The following PPARGC1A variants were observed in gnomAD, a reference collection of about 807,000 sequenced individuals.
The protein encoded by PPARGC1A is PPARG coactivator 1 alpha.
In PPARGC1A, 25 loss-of-function variants were observed where a neutral mutation model predicts 88.7. The observed-to-expected ratio is 0.28, with a 90% CI of 0.21 to 0.39. PPARGC1A has a LOEUF of 0.39. Ranked by LOEUF, PPARGC1A falls within the 10% of genes least tolerant of loss-of-function variation. PPARGC1A has a pLI of 1.00. For synonymous variants in PPARGC1A, 363 were observed against 355.6 expected (o/e 1.02, Z -0.24); for missense variants, 880 against 968.7 (o/e 0.91, Z 1.22).
the PPARGC1A span, among the ~76,000 whole-genome samples, chr4:24,298,196 A>AC: frequency 6.6e-6 from 1 of 150,840 alleles, no homozygotes; most frequent in African/African-American, 2.5e-5. Flanking sequence ...GAAAAAAAAA[A>AC]AGATAAGAAA....
At chr4:23,986,611 T>G in the PPARGC1A span, among the ~76,000 whole-genome samples, 1 of 152,086 alleles carries the variant, frequency 6.6e-6, no homozygotes, top group Non-Finnish European at 1.5e-5. Context: ...CATGATCTCA[T>G]TTCATTCTTT....
the PPARGC1A span, among the ~76,000 whole-genome samples, chr4:24,269,873 A>C: frequency 2.6e-5 from 4 of 152,234 alleles, no homozygotes; most frequent in Admixed American, 2.0e-4. Flanking sequence ...TCTGGGTCTC[A>C]GTTTTTCCAG....
chr4:23,913,945 G>A, the PPARGC1A span, among the ~76,000 whole-genome samples: 1 of 152,156 alleles, frequency 6.6e-6, no homozygotes, highest in African/African-American at 2.4e-5. Context: ...CAAAAGGCTT[G>A]CCTTTGAAGC....
the PPARGC1A span, among the ~76,000 whole-genome samples, chr4:24,130,022 C>G: frequency 6.6e-6 from 1 of 152,040 alleles, no homozygotes; most frequent in Non-Finnish European, 1.5e-5. Flanking sequence ...CGGGGAGGGA[C>G]AGCATTTGGA....
the PPARGC1A span, among the ~76,000 whole-genome samples, chr4:24,415,783 A>G: frequency 6.6e-6 from 1 of 152,238 alleles, no homozygotes; most frequent in Non-Finnish European, 1.5e-5. Context: ...TATTAGTTAT[A>G]AATTTATGTA....
chr4:24,423,062 C>T, the PPARGC1A span, among the ~76,000 whole-genome samples: 1 of 152,132 alleles, frequency 6.6e-6, no homozygotes, highest in Non-Finnish European at 1.5e-5. Flanking sequence ...CATATATATA[C>T]ATGGTGTTTA....
At chr4:24,182,992 A>G in the PPARGC1A span, among the ~76,000 whole-genome samples, 1 of 152,172 alleles carries the variant, frequency 6.6e-6, no homozygotes, top group Non-Finnish European at 1.5e-5. Context: ...AAGATATAAT[A>G]AACACGCAAA....
chr4:24,229,447 C>A, the PPARGC1A span, among the ~76,000 whole-genome samples: 1 of 151,152 alleles, frequency 6.6e-6, no homozygotes, highest in Non-Finnish European at 1.5e-5. Flanking sequence ...CGATGCCCAG[C>A]CTATATGGAC....
chr4:24,311,794 C>T, the PPARGC1A span, among the ~76,000 whole-genome samples: 5 of 151,716 alleles, frequency 3.3e-5, no homozygotes, highest in Admixed American at 1.3e-4. Context: ...AACAGAGTCT[C>T]GGTGCCATGT....
the PPARGC1A span, among the ~76,000 whole-genome samples, chr4:24,323,827 G>C: frequency 6.6e-6 from 1 of 152,138 alleles, no homozygotes; most frequent in Non-Finnish European, 1.5e-5. Flanking sequence ...TCCTCAGACC[G>C]ACCAGCCCAA....
At chr4:23,845,676 A>C (rs1383320599) in intron 2 of PPARGC1A, among the ~76,000 whole-genome samples, 2 of 151,962 alleles carry the variant, frequency 1.3e-5, no homozygotes, top group Non-Finnish European at 2.9e-5. Flanking sequence ...TGGGTCTTTG[A>C]CTCCTTGACT....
At chr4:24,447,952 G>A in the PPARGC1A span, among the ~76,000 whole-genome samples, 9 of 152,228 alleles carry the variant, frequency 5.9e-5, no homozygotes, top group East Asian at 9.7e-4. Flanking sequence ...ATTAAAACAC[G>A]CATTTTTAAA....
chr4:24,336,204 C>A, the PPARGC1A span, among the ~76,000 whole-genome samples: 1 of 152,144 alleles, frequency 6.6e-6, no homozygotes, highest in Non-Finnish European at 1.5e-5. Context: ...AATAGCAGAG[C>A]AGTAGAGTTT....
chr4:24,277,042 G>A, the PPARGC1A span, among the ~76,000 whole-genome samples: 2 of 152,068 alleles, frequency 1.3e-5, no homozygotes, highest in Admixed American at 6.6e-5. Context: ...TACCTTCAAA[G>A]GTATTCATTT....
chr4:24,084,716 A>G, the PPARGC1A span, among the ~76,000 whole-genome samples: 1 of 152,240 alleles, frequency 6.6e-6, no homozygotes, highest in South Asian at 2.1e-4. Context: ...AAATACATCA[A>G]ACATTTCGTC....
the PPARGC1A span, among the ~76,000 whole-genome samples, chr4:23,973,776 G>T: frequency 6.6e-6 from 1 of 151,878 alleles, no homozygotes; most frequent in East Asian, 1.9e-4. Context: ...AAGCTCAGGG[G>T]AAAACACAGA....
the PPARGC1A span, among the ~76,000 whole-genome samples, chr4:24,049,414 A>G: frequency 2.2e-5 from 3 of 136,536 alleles, no homozygotes; most frequent in African/African-American, 1.0e-4. Flanking sequence ...TGAAAAAGTT[A>G]AAAAAATAGT....
At chr4:24,399,621 C>T in the PPARGC1A span, among the ~76,000 whole-genome samples, 1 of 152,080 alleles carries the variant, frequency 6.6e-6, no homozygotes, top group Non-Finnish European at 1.5e-5. Context: ...GGATAACATC[C>T]AGGGGCCAGA....
the PPARGC1A span, among the ~76,000 whole-genome samples, chr4:24,008,282 G>A: frequency 6.6e-6 from 1 of 152,110 alleles, no homozygotes; most frequent in Non-Finnish European, 1.5e-5. Flanking sequence ...GAAGATAAAA[G>A]TTTATTTGAA....
Sources: gnomAD v4.1 joint callset for allele counts (sites outside exome capture counted in the v4.1 genomes callset) on GRCh38, gnomAD v4.1.1 for gene constraint, MANE v1.5 for transcripts, NCBI Gene and HGNC (gene_info 2026-07-23, HGNC 2026-07-21) for gene names.